TSPAN13: variants seen among roughly 807,000 people sequenced by gnomAD.
TSPAN13 encodes tetraspanin 13.
A neutral mutation model predicts 26.9 loss-of-function variants in TSPAN13; 18 were observed. That is an observed-to-expected ratio of 0.67 (90% CI 0.46 to 0.99). TSPAN13 has a LOEUF of 0.99. Among genes scored for constraint, TSPAN13 ranks in the 50% least tolerant of loss-of-function variants. The probability of loss-of-function intolerance (pLI) is 0.00; values close to 1 mark genes in which losing one functional copy is unlikely to be tolerated. For missense variants in TSPAN13, 201 were observed against 249.6 expected, an observed-to-expected ratio of 0.81 and a Z score of 1.31; for synonymous variants, 116 against 98.4, an observed-to-expected ratio of 1.18 and a Z score of -1.06.
intron 1 of TSPAN13, among the ~76,000 whole-genome samples, chr7:16,754,355 C>G (rs935149387): frequency 7.2e-5 from 11 of 152,248 alleles, no homozygotes; most frequent in East Asian, 1.9e-4. Context: ...TTTCCCACCC[C>G]GTACCCTTCT....
intron 1 of TSPAN13, among the ~76,000 whole-genome samples, chr7:16,772,920 C>A (rs1047451412): frequency 6.6e-6 from 1 of 152,052 alleles, no homozygotes; most frequent in Non-Finnish European, 1.5e-5. Context: ...CACTTGAACG[C>A]GGGAGGTGGA....
At chr7:16,766,242 T>A (rs1784601784) in intron 1 of TSPAN13, among the ~76,000 whole-genome samples, 1 of 152,218 alleles carries the variant, frequency 6.6e-6, no homozygotes. Flanking sequence ...TCCAACATAT[T>A]TTTGGGTGTT....
At chr7:16,770,704 C>T (rs1784664315) in intron 1 of TSPAN13, among the ~76,000 whole-genome samples, 2 of 152,022 alleles carry the variant, frequency 1.3e-5, no homozygotes, top group Middle Eastern at 3.4e-3. Flanking sequence ...TTTGGGAATC[C>T]TGTAAGGGCT....
chr7:16,766,612 C>G (rs1784606599), intron 1 of TSPAN13, among the ~76,000 whole-genome samples: 1 of 152,122 alleles, frequency 6.6e-6, no homozygotes, highest in African/African-American at 2.4e-5. Context: ...TAAATTGGAA[C>G]AAATTATAGG....
chr7:16,760,965 A>T (rs985736658), intron 1 of TSPAN13, among the ~76,000 whole-genome samples: 2 of 152,196 alleles, frequency 1.3e-5, no homozygotes, highest in Non-Finnish European at 2.9e-5. Flanking sequence ...AGTTAATTGA[A>T]TGCAGGAATC....
intron 1 of TSPAN13, among the ~76,000 whole-genome samples, chr7:16,766,924 C>G (rs761492357): frequency 1.3e-5 from 2 of 152,070 alleles, no homozygotes; most frequent in Non-Finnish European, 2.9e-5. Flanking sequence ...TCACATATGC[C>G]AGTGTTTTTT....
intron 1 of TSPAN13, among the ~76,000 whole-genome samples, chr7:16,775,134 G>T (rs1337143206): frequency 1.3e-5 from 2 of 152,166 alleles, no homozygotes; most frequent in Non-Finnish European, 2.9e-5. Context: ...TATGCTGTCA[G>T]ATTGCTCCAG....
chr7:16,774,076 T>C (rs1485943144), intron 1 of TSPAN13, among the ~76,000 whole-genome samples: 1 of 152,178 alleles, frequency 6.6e-6, no homozygotes, highest in Non-Finnish European at 1.5e-5. Flanking sequence ...ATCATGTGAG[T>C]GGGCCTTATC....
intron 4 of TSPAN13, 30 bp downstream of exon 4, chr7:16,777,941 G>C: frequency 6.7e-7 from 1 of 1,492,682 alleles, no homozygotes; most frequent in Non-Finnish European, 9.3e-7. Flanking sequence ...TATGTTTTTG[G>C]AAATGTATTA....
rs1784771914 is a variant in TSPAN13, at chr7:16,777,932, A to G, written c.426+21A>G. 3 of 1,550,386 alleles carry G rather than the reference A, an allele frequency of 1.9e-6. No individual in the cohort carries two copies. The South Asian group carries it at 3.5e-5, about 18-fold the overall frequency. On this transcript the variant is annotated intron_variant, in intron 4 of 5. Transcript: ENST00000262067. ...TGGCTGTAAGTACATTGTATAATAT[A>G]TGTTTTTGGAAATGTATTACAGATA...
In TSPAN13 at chr7:16,753,841, C is replaced by T. The variant is rs1314587393; in HGVS notation, c.-127C>T. Reference sequence around the variant, plus strand: ...CGCGCACTGCAGCCCCAGGCCCCGGCCCCCCACCCACGTCTGCGTTGCTGC... The same window carrying T: ...CGCGCACTGCAGCCCCAGGCCCCGGTCCCCCACCCACGTCTGCGTTGCTGC... On this transcript the variant is annotated 5_prime_UTR_variant, in exon 1 of 6. Transcript: ENST00000262067. 3.0e-6 allele frequency: 3 copies of T among 1,011,060 alleles called. No individual in the cohort carries two copies. The highest frequency in any genetic ancestry group is 2.7e-5 in the East Asian group (1 of 36,490). 62.6% of individuals were successfully genotyped at this position (1,011,060 alleles called of 1,614,324 possible).
intron 5 of TSPAN13, among the ~76,000 whole-genome samples, chr7:16,781,927 T>G (rs1393371960): frequency 6.6e-6 from 1 of 152,168 alleles, no homozygotes. Context: ...CATGTCAGAT[T>G]ACCGAATAAA....
chr7:16,766,198 A>G (rs1260930730), intron 1 of TSPAN13, among the ~76,000 whole-genome samples: 1 of 152,240 alleles, frequency 6.6e-6, no homozygotes, highest in Non-Finnish European at 1.5e-5. Context: ...ATACACAAGA[A>G]AACACATTGT....
intron 1 of TSPAN13, among the ~76,000 whole-genome samples, chr7:16,760,758 G>A (rs1784533578): frequency 6.6e-6 from 1 of 152,188 alleles, no homozygotes; most frequent in Non-Finnish European, 1.5e-5. Flanking sequence ...AGAGGTTGGT[G>A]TCTCAGAAGT....
At chr7:16,770,819 T>C (rs889619743) in intron 1 of TSPAN13, among the ~76,000 whole-genome samples, 6 of 152,242 alleles carry the variant, frequency 3.9e-5, no homozygotes, top group Non-Finnish European at 5.9e-5. Flanking sequence ...TTGAATTGTT[T>C]GTCTTGAGGA....
chr7:16,776,451 C>G, intron 2 of TSPAN13, 73 bp downstream of exon 2: 4 of 1,446,474 alleles, frequency 2.8e-6, no homozygotes, highest in Non-Finnish European at 3.8e-6. Context: ...AATATTATCA[C>G]TAGGAAATTT....
At chr7:16,777,147 C>T (rs1184036108) in intron 3 of TSPAN13, 25 bp downstream of exon 3, 1 of 1,512,998 alleles carries the variant, frequency 6.6e-7, no homozygotes, top group Non-Finnish European at 9.2e-7. Flanking sequence ...TTTTCTTCTA[C>T]TTTATTATAC....
intron 5 of TSPAN13, among the ~76,000 whole-genome samples, chr7:16,782,596 C>A (rs1216321339): frequency 1.3e-5 from 2 of 152,214 alleles, no homozygotes; most frequent in African/African-American, 4.8e-5. Context: ...AACAATTTAG[C>A]GAACTTGGTG....
intron 1 of TSPAN13, among the ~76,000 whole-genome samples, chr7:16,768,114 A>G (rs1010584520): frequency 6.6e-6 from 1 of 152,048 alleles, no homozygotes; most frequent in African/African-American, 2.4e-5. Flanking sequence ...GGGTTTTACC[A>G]TGTTAGCCAG....
Sources: gnomAD v4.1 joint callset for allele counts (sites outside exome capture counted in the v4.1 genomes callset) on GRCh38, gnomAD v4.1.1 for gene constraint, MANE v1.5 for transcripts, NCBI Gene and HGNC (gene_info 2026-07-23, HGNC 2026-07-21) for gene names.